Variants in SNX13 observed in about 807,000 individuals in gnomAD.
SNX13 encodes the protein sorting nexin 13.
A neutral mutation model predicts 133.6 loss-of-function variants in SNX13; 45 were observed. That is an observed-to-expected ratio of 0.34 (90% CI 0.27 to 0.43). The LOEUF is 0.43. SNX13 is among the 20% of genes least tolerant of loss of function. The pLI is 1.00. For missense variants in SNX13, 1,032 were observed against 1,145.1 expected (o/e 0.90, Z 1.43); for synonymous variants, 414 against 373.9 (o/e 1.11, Z -1.24).
At position 17,926,690 on chromosome 7, in the gene SNX13, CA is replaced by C. The variant is rs796706352; in HGVS notation, c.12+13593del. Reference sequence around the variant, plus strand: ...TACTTTGAGCTCGGGAGTTTGAGATCAGCCTAAGCAACATGGTGAAACCCCA... The same window carrying C: ...TACTTTGAGCTCGGGAGTTTGAGATCGCCTAAGCAACATGGTGAAACCCCA... On this transcript the variant is annotated intron_variant, in intron 1 of 25. Coordinates refer to ENST00000428135, the MANE Select transcript of SNX13 (RefSeq NM_015132.5). Among the ~76,000 whole-genome samples, 8 of 152,220 alleles carry C rather than the reference CA, an allele frequency of 5.3e-5. No individual in the cohort carries two copies. In the East Asian group the frequency reaches 9.7e-4, roughly 18 times the overall value.
intron 1 of SNX13, among the ~76,000 whole-genome samples, chr7:17,910,420 T>C (rs1234623705): frequency 6.6e-6 from 1 of 152,218 alleles, no homozygotes; most frequent in African/African-American, 2.4e-5. Flanking sequence ...CAAGTCAGCA[T>C]GATCTCAGCA....
chr7:17,877,632 T>G (rs987584263), intron 5 of SNX13, among the ~76,000 whole-genome samples: 1 of 152,056 alleles, frequency 6.6e-6, no homozygotes, highest in South Asian at 2.1e-4. Flanking sequence ...TCAAACAAAA[T>G]AAATTTTACC....
chr7:17,884,373 A>G (rs1167623448), intron 5 of SNX13, among the ~76,000 whole-genome samples: 1 of 152,258 alleles, frequency 6.6e-6, no homozygotes, highest in Non-Finnish European at 1.5e-5. Context: ...TTTGGTTGTC[A>G]GTAATAAAGA....
chr7:17,794,960 G>T (rs988336758), intron 25 of SNX13: 3 of 151,676 alleles, frequency 2.0e-5, no homozygotes, highest in Non-Finnish European at 3.0e-5. Context: ...GGAAGTGGCA[G>T]GTAAAGGAGA....
chr7:17,798,774 T>G lies in SNX13; in HGVS notation c.2445-16A>C, dbSNP rs771282424. ...AACTATTTTTCTGAAAGTAAATTAA[T>G]GTAAATGAGGAAGGTTAAAATTTTA... is the stretch of plus-strand genomic sequence containing the variant. On this transcript the variant is annotated splice_polypyrimidine_tract_variant and intron_variant, in intron 23 of 25. Transcript: ENST00000428135. 6.5e-7 allele frequency: 1 copy of G among 1,530,548 alleles called. No individual in the cohort carries two copies. The highest frequency in any genetic ancestry group is 8.8e-7 in the Non-Finnish European group (1 of 1,139,060). 94.8% of individuals were successfully genotyped at this position (1,530,548 alleles called of 1,614,324 possible).
chr7:17,853,209 T>C (rs962059538), intron 9 of SNX13, among the ~76,000 whole-genome samples: 2 of 152,078 alleles, frequency 1.3e-5, no homozygotes, highest in African/African-American at 4.8e-5. Context: ...AAAATAGGAA[T>C]GTAGAAGCAG....
intron 5 of SNX13, among the ~76,000 whole-genome samples, chr7:17,886,342 G>A (rs1795981442): frequency 6.6e-6 from 1 of 152,052 alleles, no homozygotes; most frequent in Non-Finnish European, 1.5e-5. Flanking sequence ...GGCTGAGGGG[G>A]GCGGATCACA....
rs993249536 is a variant in SNX13 at position 17,836,675 on chromosome 7, G to A, written c.1360-1810C>T. Reference sequence around the variant, plus strand: ...CAAACCAATGGGACTAGTTAACAGTGGCAAATAATCTGTGTGAGAAAAATA... The same window carrying A: ...CAAACCAATGGGACTAGTTAACAGTAGCAAATAATCTGTGTGAGAAAAATA... On this transcript the variant is annotated intron_variant, in intron 13 of 25. Transcript: ENST00000428135. 3.3e-5 allele frequency among the ~76,000 whole-genome samples: 5 copies of A among 151,978 alleles called. No homozygotes were observed. The East Asian group carries it at 9.6e-4, about 29-fold the overall frequency.
At chr7:17,861,444 C>T (rs1208099343) in intron 9 of SNX13, among the ~76,000 whole-genome samples, 1 of 151,858 alleles carries the variant, frequency 6.6e-6, no homozygotes, top group Non-Finnish European at 1.5e-5. Flanking sequence ...CCTGATGGTC[C>T]ACAGCTGTCA....
At chr7:17,816,462 G>A (rs1033537456) in intron 18 of SNX13, among the ~76,000 whole-genome samples, 173 bp from the exon 19 acceptor site, 1 of 152,200 alleles carries the variant, frequency 6.6e-6, no homozygotes, top group Non-Finnish European at 1.5e-5. Flanking sequence ...GGGAGTTTGA[G>A]ATCAGCCTGA....
chr7:17,884,199 T>TA (rs1491372023), intron 5 of SNX13, among the ~76,000 whole-genome samples: 2 of 152,332 alleles, frequency 1.3e-5, no homozygotes, highest in East Asian at 3.9e-4. Context: ...AAATTGTGAC[T>TA]ATGTATGCAC....
chr7:17,904,685 G>A (rs1003528546), intron 1 of SNX13, among the ~76,000 whole-genome samples: 13 of 152,114 alleles, frequency 8.5e-5, no homozygotes, highest in African/African-American at 3.1e-4. Context: ...CTGCCAAACA[G>A]GGCTAAGAAT....
chr7:17,846,260 A>C (rs1790510549), intron 11 of SNX13, among the ~76,000 whole-genome samples: 1 of 151,774 alleles, frequency 6.6e-6, no homozygotes, highest in South Asian at 2.1e-4. Context: ...AAAAAAAGGG[A>C]AAAATTGCGT....
chr7:17,881,129 T>C (rs1795288266), intron 5 of SNX13: 1 of 152,110 alleles, frequency 6.6e-6, no homozygotes, highest in South Asian at 2.1e-4. Flanking sequence ...TGATGCCACA[T>C]TAGTTTTTCA....
chr7:17,932,857 C>A (rs1259072334), intron 1 of SNX13, among the ~76,000 whole-genome samples: 1 of 152,176 alleles, frequency 6.6e-6, no homozygotes, highest in Non-Finnish European at 1.5e-5. Context: ...ACTTTTCACC[C>A]TTTAGTGGTA....
rs556342060 is a variant in SNX13, at chr7:17,928,131, T to C, written c.12+12153A>G. Among the ~76,000 whole-genome samples the C allele has an allele frequency of 8.7e-4, 133 of 152,314 alleles. No individual in the cohort carries two copies. In the Middle Eastern group the frequency reaches 0.014, roughly 16 times the overall value. ...CAGAGAAAGCTAGATCCTCAATGCA[T>C]GGTATTAACACTTCATTTCTTTCTT... On this transcript the variant is annotated intron_variant, in intron 1 of 25. Transcript: ENST00000428135.
chr7:17,826,230 C>T, intron 16 of SNX13, 139 bp from the exon 17 acceptor site: 1 of 464,970 alleles, frequency 2.2e-6, no homozygotes, highest in East Asian at 3.2e-5. Context: ...CCCTCCATCC[C>T]CTCCATACAC....
At chr7:17,798,021 C>G (rs1036187605) in intron 24 of SNX13, among the ~76,000 whole-genome samples, 1 of 151,854 alleles carries the variant, frequency 6.6e-6, no homozygotes, top group Non-Finnish European at 1.5e-5. Context: ...GTGTTCAATA[C>G]TGATAGTTCC....
chr7:17,845,700 G>A lies in SNX13; in HGVS notation c.1066-6C>T. ...AGTTTCACAGTATTTATTTCCTACA[G>A]GCAAAAGTGAATATAAGTTAATATT... is the stretch of plus-strand genomic sequence containing the variant. On this transcript the variant is annotated splice_polypyrimidine_tract_variant and splice_region_variant and intron_variant, in intron 11 of 25. Transcript: ENST00000428135. The A allele has an allele frequency of 1.9e-6, 3 of 1,559,438 alleles. No individual in the cohort carries two copies. Among genetic ancestry groups the A allele is most frequent in the Non-Finnish European group, 2.6e-6 (3 of 1,145,230 alleles).
Sources: gnomAD v4.1 joint callset for allele counts (sites outside exome capture counted in the v4.1 genomes callset) on GRCh38, gnomAD v4.1.1 for gene constraint, MANE v1.5 for transcripts, NCBI Gene and HGNC (gene_info 2026-07-23, HGNC 2026-07-21) for gene names.